AGBL4: variants seen among roughly 807,000 people sequenced by gnomAD.
AGBL4 encodes the protein AGBL carboxypeptidase 4.
A neutral mutation model predicts 66.4 loss-of-function variants in AGBL4; 58 were observed. That is an observed-to-expected ratio of 0.87 (90% CI 0.71 to 1.09). AGBL4 has a LOEUF of 1.09. AGBL4 is among the 50% of genes least tolerant of loss of function. AGBL4 has a pLI of 0.00. For missense variants in AGBL4, 579 were observed against 631.0 expected (o/e 0.92, Z 0.88); for synonymous variants, 234 against 222.9 (o/e 1.05, Z -0.44).
At chr1:49,153,673 C>T (rs558802240) in intron 4 of AGBL4, among the ~76,000 whole-genome samples, 141 of 151,506 alleles carry the variant, frequency 9.3e-4, no homozygotes, top group African/African-American at 3.3e-3. Flanking sequence ...CTTCTTTTCT[C>T]ATCTTCTCTA....
At chr1:49,256,324 T>C (rs1652498682) in intron 3 of AGBL4, among the ~76,000 whole-genome samples, 2 of 152,172 alleles carry the variant, frequency 1.3e-5, no homozygotes, top group African/African-American at 4.8e-5. Context: ...TAAAAAATTA[T>C]ATAAAATTCA....
intron 4 of AGBL4, among the ~76,000 whole-genome samples, chr1:49,192,194 T>C (rs1382238201): frequency 6.6e-6 from 1 of 152,260 alleles, no homozygotes; most frequent in Non-Finnish European, 1.5e-5. Context: ...TGATTTGCAT[T>C]TCTCTGATGA....
intron 3 of AGBL4, among the ~76,000 whole-genome samples, chr1:49,292,632 A>G (rs748613805): frequency 3.7e-4 from 56 of 152,102 alleles, no homozygotes; most frequent in Non-Finnish European, 6.8e-4. Flanking sequence ...TGTGATGACC[A>G]GCTGCAAAGA....
intron 1 of AGBL4, among the ~76,000 whole-genome samples, chr1:49,936,327 T>C (rs1654012410): frequency 6.6e-6 from 1 of 152,046 alleles, no homozygotes; most frequent in South Asian, 2.1e-4. Context: ...CCAAGAAATA[T>C]GGGACTATGT....
intron 3 of AGBL4, among the ~76,000 whole-genome samples, chr1:49,453,384 C>T (rs1028168214): frequency 6.6e-6 from 1 of 151,706 alleles, no homozygotes; most frequent in Non-Finnish European, 1.5e-5. Flanking sequence ...ATAGAACTAC[C>T]CAGCTACCAA....
intron 3 of AGBL4, among the ~76,000 whole-genome samples, chr1:49,327,055 T>G (rs1645241704): frequency 6.6e-6 from 1 of 152,170 alleles, no homozygotes; most frequent in South Asian, 2.1e-4. Context: ...CTCTCTGGCC[T>G]TTCTGCTTCT....
intron 3 of AGBL4, among the ~76,000 whole-genome samples, chr1:49,261,310 G>C (rs1429351252): frequency 1.3e-5 from 2 of 152,120 alleles, no homozygotes; most frequent in African/African-American, 4.8e-5. Flanking sequence ...TCTGGCCAAG[G>C]AAATTAGGCA....
Position 49,214,571 on chromosome 1 carries a change from T to C in AGBL4, c.377+31199A>G, listed in dbSNP as rs35042913. On this transcript the variant is annotated intron_variant, in intron 4 of 13. Transcript: ENST00000371839. The stretch of plus-strand genomic sequence containing the variant: ...CAGTCTTATCCAGTCCTGTGGAAAA[T>C]TGTAATGATAAACAATGAAACTGAG... 8.2e-3 allele frequency among the ~76,000 whole-genome samples: 1,252 copies of C among 152,148 alleles called. 9 individuals are homozygous for C. Among genetic ancestry groups the C allele is most frequent in the Middle Eastern group, 0.027 (8 of 294 alleles).
chr1:49,703,449 A>T (rs1408617131), intron 2 of AGBL4, among the ~76,000 whole-genome samples: 1 of 152,004 alleles, frequency 6.6e-6, no homozygotes, highest in African/African-American at 2.4e-5. Context: ...TATGGACAAA[A>T]TAAAGGAGAA....
chr1:49,085,032 C>T (rs1242118395), intron 4 of AGBL4, among the ~76,000 whole-genome samples: 1 of 151,968 alleles, frequency 6.6e-6, no homozygotes. Context: ...AACATTATTT[C>T]TGGGTGTATT....
chr1:48,730,449 C>T (rs971667569), intron 6 of AGBL4, among the ~76,000 whole-genome samples: 2 of 152,126 alleles, frequency 1.3e-5, no homozygotes, highest in African/African-American at 2.4e-5. Context: ...TCCCCCAGCT[C>T]GAAGTCTCTA....
chr1:49,247,647 C>G (rs145440909), intron 3 of AGBL4, among the ~76,000 whole-genome samples: 676 of 152,108 alleles, frequency 4.4e-3, no homozygotes, highest in Middle Eastern at 0.01. Flanking sequence ...CCATACTGCA[C>G]TTTCAGGTTC....
rs749069682 is a variant in AGBL4, at chr1:48,989,181, T to C, written c.594+56403A>G. Among the ~76,000 whole-genome samples, 142 of 152,188 alleles carry C rather than the reference T, an allele frequency of 9.3e-4. 2 individuals are homozygous for C. The highest frequency in any genetic ancestry group is 3.9e-4 in the Admixed American group (6 of 15,288). ...GATGTCTAAGGGTAAAGTCTAAATG[T>C]ACGGGTGTGTTCTTCGAGAGCCTTC... is the stretch of plus-strand genomic sequence containing the variant. On this transcript the variant is annotated intron_variant, in intron 5 of 13. Coordinates refer to ENST00000371839, the MANE Select transcript of AGBL4 (RefSeq NM_032785.4).
chr1:48,541,366 C>A (rs992085510), intron 11 of AGBL4, among the ~76,000 whole-genome samples: 1 of 152,208 alleles, frequency 6.6e-6, no homozygotes, highest in Non-Finnish European at 1.5e-5. Context: ...TTTCAGTAGC[C>A]CCTTCTAGCC....
intron 5 of AGBL4, among the ~76,000 whole-genome samples, chr1:48,869,443 T>C (rs1648429801): frequency 6.6e-6 from 1 of 152,214 alleles, no homozygotes; most frequent in African/African-American, 2.4e-5. Context: ...CCTTTTTTCA[T>C]ACACTTGACT....
At chr1:49,903,241 G>GAACACAGA (rs1649947880) in intron 1 of AGBL4, among the ~76,000 whole-genome samples, 1 of 152,024 alleles carries the variant, frequency 6.6e-6, no homozygotes. Flanking sequence ...ACTAACACAG[G>GAACACAGA]AACACAGAAA....
At chr1:48,823,466 A>G (rs1165848678) in intron 6 of AGBL4, among the ~76,000 whole-genome samples, 1 of 152,100 alleles carries the variant, frequency 6.6e-6, no homozygotes, top group Admixed American at 6.5e-5. Flanking sequence ...CTTACCAATC[A>G]CCTTTCCTGA....
intron 5 of AGBL4, among the ~76,000 whole-genome samples, chr1:48,952,454 GAGA>G (rs1247356319): frequency 6.6e-5 from 10 of 152,232 alleles, no homozygotes; most frequent in African/African-American, 2.4e-4. Flanking sequence ...AATGGAAAGT[GAGA>G]AGAATGGAGA....
chr1:48,563,125 AAG>A (rs1644422041), intron 11 of AGBL4, among the ~76,000 whole-genome samples: 1 of 152,218 alleles, frequency 6.6e-6, no homozygotes, highest in South Asian at 2.1e-4. Flanking sequence ...CCACTGTGGA[AAG>A]AGAGCCAGGC....
Sources: allele counts gnomAD v4.1 joint callset (sites outside exome capture counted in the v4.1 genomes callset), GRCh38; gene constraint gnomAD v4.1.1; transcripts MANE v1.5; gene names NCBI Gene and HGNC (gene_info 2026-07-23, HGNC 2026-07-21).